The following PDE4C variants were observed in gnomAD, a reference collection of about 807,000 sequenced individuals.
The protein encoded by PDE4C is phosphodiesterase 4C, also known as 3',5'-cyclic-AMP phosphodiesterase 4C.
Under a neutral mutation model 63.9 loss-of-function variants are expected in PDE4C, and 50 were observed. The ratio of observed to expected loss-of-function variants is 0.78; its 90% confidence interval spans 0.62 to 0.99. The LOEUF (loss-of-function observed/expected upper bound fraction) is 0.99, where lower values mean the gene tolerates loss of function less well. PDE4C is among the 50% of genes least tolerant of loss of function. PDE4C has a pLI of 0.00. For synonymous variants in PDE4C, 377 were observed against 385.1 expected (o/e 0.98, Z 0.25); for missense variants, 777 against 899.1 (o/e 0.86, Z 1.74).
intron 12 of PDE4C, among the ~76,000 whole-genome samples, chr19:18,214,717 G>A (rs1436998210): frequency 6.6e-6 from 1 of 152,104 alleles, no homozygotes; most frequent in Non-Finnish European, 1.5e-5. Context: ...GGGAGGCAGA[G>A]GTGGGTGGAT....
In PDE4C at chr19:18,220,701, C is replaced by T. The variant is rs1350413022; in HGVS notation, c.499+173G>A. ...GACCATGAGATCTCTGGGCCTCAGCCTCCTCATCTGTAATATGAGTGTGGT... is the reference window on the plus strand; with the variant it reads ...GACCATGAGATCTCTGGGCCTCAGCTTCCTCATCTGTAATATGAGTGTGGT... On this transcript the variant is annotated intron_variant, in intron 5 of 14. Transcript: ENST00000262805. This position sits in a 1 kb window ranked among gnomAD's most constrained non-coding sequence, Gnocchi z 5.1. 1.3e-5 allele frequency: 10 copies of T among 787,242 alleles called. No homozygotes were observed. In the Admixed American group the frequency reaches 1.8e-4, roughly 14 times the overall value. 48.8% of individuals were successfully genotyped at this position (787,242 alleles called of 1,614,324 possible).
upstream of PDE4C, chr19:18,236,953 G>C (rs1024466238): frequency 6.5e-6 from 1 of 152,796 alleles, no homozygotes; most frequent in Admixed American, 6.5e-5. Flanking sequence ...AACACAAGGC[G>C]GCTCGGCAGC....
At chr19:18,243,034 A>G (rs1239074239) in intron 1 of PDE4C, among the ~76,000 whole-genome samples, 1 of 151,976 alleles carries the variant, frequency 6.6e-6, no homozygotes, top group Non-Finnish European at 1.5e-5. Context: ...AGTGGATCTG[A>G]GATATGTTTT....
rs1389293348 is a variant in PDE4C at position 18,212,802 on chromosome 19, C to T, written c.1512+566G>A. On this transcript the variant is annotated intron_variant, in intron 13 of 14. Transcript: ENST00000262805. ...CTCCCAGGTTCAAGCAATTCTCTGC[C>T]TCAGCCTCCCGAGTAGCTGAGATTA... is the stretch of plus-strand genomic sequence containing the variant. Among the ~76,000 whole-genome samples, 3 of 151,792 alleles carry T rather than the reference C, an allele frequency of 2.0e-5. No individual in the cohort carries two copies. In the East Asian group the frequency reaches 6.0e-4, roughly 30 times the overall value.
At chr19:18,223,026 T>TG (rs1968561494) in intron 1 of PDE4C, among the ~76,000 whole-genome samples, 1 of 150,626 alleles carries the variant, frequency 6.6e-6, no homozygotes. Context: ...TTCTGTTTTT[T>TG]GGGGTTTTTT....
chr19:18,221,055 C>CCCCCCCCCCCCCCCCCCCCCCCCGGAG, intron 4 of PDE4C, 50 bp downstream of exon 4: 1 of 763,412 alleles, frequency 1.3e-6, no homozygotes, highest in Non-Finnish European at 1.8e-6. Context: ...GCTTTCCGCC[C>CCCCCCCCCCCCCCCCCCCCCCCCGGAG]ACCTTGTCTC....
chr19:18,244,960 C>T (rs775220219), intron 1 of PDE4C, among the ~76,000 whole-genome samples: 7 of 151,996 alleles, frequency 4.6e-5, no homozygotes, highest in African/African-American at 1.4e-4. Context: ...CTCAGCATGC[C>T]GAGTAGCTGG....
At chr19:18,245,622 C>T (rs1025564725) in intron 1 of PDE4C, among the ~76,000 whole-genome samples, 2 of 152,166 alleles carry the variant, frequency 1.3e-5, no homozygotes, top group African/African-American at 2.4e-5. Context: ...CTGCCCAGCT[C>T]GAGCAGTCTC....
At chr19:18,243,923 C>T (rs1377515547) in intron 1 of PDE4C, among the ~76,000 whole-genome samples, 4 of 152,032 alleles carry the variant, frequency 2.6e-5, no homozygotes, top group African/African-American at 4.8e-5. Context: ...GGTGCCATCT[C>T]GGCTCACTCC....
intron 13 of PDE4C, 96 bp downstream of exon 13, chr19:18,213,272 A>T: frequency 8.8e-7 from 1 of 1,137,558 alleles, no homozygotes; most frequent in Admixed American, 3.0e-5. Flanking sequence ...CGACAGAGTG[A>T]GACTCCGTCT....
At chr19:18,213,189 C>A (rs1968038408) in intron 13 of PDE4C, among the ~76,000 whole-genome samples, 179 bp downstream of exon 13, 1 of 151,620 alleles carries the variant, frequency 6.6e-6, no homozygotes, top group Non-Finnish European at 1.5e-5. Flanking sequence ...GAGGCTGAGG[C>A]AGGAGAATGG....
chr19:18,220,464 C>A lies in PDE4C; in HGVS notation c.551G>T (p.Cys184Phe), dbSNP rs200889967. Residue 184 changes from cysteine to phenylalanine, a missense_variant, in exon 6 of 15, where the codon TGC (cysteine) becomes TTC (phenylalanine). Around this residue, in one of 3 missense-constraint regions of PDE4C, gnomAD observed 28 missense variants for 53.5 expected, o/e 0.52. Transcript: ENST00000262805. This position sits in a 1 kb window ranked among gnomAD's most constrained non-coding sequence, Gnocchi z 5.1. Reference sequence around the variant, plus strand: ...CTGCAGCGTCTCCAACTGATCCAGGCACCAGTCCAGCTCGTCTAGCGTCTC... The same window carrying A: ...CTGCAGCGTCTCCAACTGATCCAGGAACCAGTCCAGCTCGTCTAGCGTCTC... 2.8e-5 allele frequency: 46 copies of A among 1,614,218 alleles called. No individual in the cohort carries two copies. Among genetic ancestry groups the A allele is most frequent in the Non-Finnish European group, 1.5e-5 (18 of 1,180,044 alleles).
chr19:18,211,157 C>T, exon 15 of PDE4C: 1 of 1,614,184 alleles, frequency 6.2e-7, no homozygotes, highest in Non-Finnish European at 8.5e-7. Context: ...TTCGGGGGAT[C>T]TTGCTCTGGT....
At chr19:18,233,774 G>A (rs1316797282), upstream of PDE4C, 3 of 322,248 alleles carry the variant, frequency 9.3e-6, no homozygotes, top group South Asian at 2.4e-5. Flanking sequence ...AGACCAGGGC[G>A]TCATCCGCCC....
At chr19:18,248,954 G>A (rs1354877338), upstream of PDE4C, among the ~76,000 whole-genome samples, 2 of 151,812 alleles carry the variant, frequency 1.3e-5, no homozygotes, top group Non-Finnish European at 2.9e-5. Context: ...GAACCCAGGA[G>A]GCAGAGGTTG....
intron 1 of PDE4C, among the ~76,000 whole-genome samples, chr19:18,222,915 G>A (rs1212622992): frequency 6.6e-6 from 1 of 151,760 alleles, no homozygotes; most frequent in East Asian, 1.9e-4. Flanking sequence ...GCCCAGGCTG[G>A]TCTTGAACTC....
At chr19:18,246,425 C>T (rs1430154360) in intron 1 of PDE4C, among the ~76,000 whole-genome samples, 1 of 151,686 alleles carries the variant, frequency 6.6e-6, no homozygotes, top group African/African-American at 2.4e-5. Flanking sequence ...TCAAGCGATC[C>T]ACCTGCCTCG....
exon 3 of PDE4C, chr19:18,221,295 T>C: frequency 6.5e-7 from 1 of 1,543,414 alleles, no homozygotes; most frequent in Non-Finnish European, 8.7e-7. Flanking sequence ...GTCCTCTCCA[T>C]GTCTGCGAGG....
At chr19:18,248,182 A>C (rs1568270880) in exon 1 of PDE4C, 1 of 456,332 alleles carries the variant, frequency 2.2e-6, no homozygotes, top group Non-Finnish European at 4.4e-6. Flanking sequence ...ACCACTGCGG[A>C]GTCCTGCCTG....
Sources: gnomAD v4.1 joint callset for allele counts (sites outside exome capture counted in the v4.1 genomes callset) on GRCh38, gnomAD v4.1.1 for gene constraint, gnomAD v4.1.1 regional missense constraint, Gnocchi (gnomAD v3.1) non-coding constraint, MANE v1.5 for transcripts, NCBI Gene and HGNC (gene_info 2026-07-23, HGNC 2026-07-21) for gene names.